Variants in FHOD1 observed in about 807,000 individuals in gnomAD.
FHOD1 encodes formin homology 2 domain containing 1, also known as FH1/FH2 domain-containing protein 1.
Under a neutral mutation model 111.6 loss-of-function variants are expected in FHOD1, and 89 were observed. The ratio of observed to expected loss-of-function variants is 0.80; its 90% confidence interval spans 0.67 to 0.95. The LOEUF is 0.95. Ranked by LOEUF, FHOD1 falls within the 40% of genes least tolerant of loss-of-function variation. The probability of loss-of-function intolerance (pLI) is 0.00; values close to 1 mark genes in which losing one functional copy is unlikely to be tolerated. For synonymous variants in FHOD1, 618 were observed against 639.0 expected, an observed-to-expected ratio of 0.97 and a Z score of 0.50; for missense variants, 1,446 against 1,554.2, an observed-to-expected ratio of 0.93 and a Z score of 1.17.
intron 2 of FHOD1, 35 bp downstream of exon 2, chr16:67,239,313 G>A: frequency 6.5e-7 from 1 of 1,529,138 alleles, no homozygotes; most frequent in Non-Finnish European, 9.1e-7. Flanking sequence ...CAAGGGTGGG[G>A]GTAACCTTGC....
intron 17 of FHOD1, 40 bp from the exon 18 acceptor site, chr16:67,230,831 C>T (rs867239418): frequency 3.3e-6 from 5 of 1,537,884 alleles, no homozygotes; most frequent in Middle Eastern, 2.4e-4. Context: ...CCCCCCACAC[C>T]CTGTAGACAA....
At chr16:67,239,102 A>G (rs551188364) in intron 2 of FHOD1, 135 bp from the exon 3 acceptor site, 1 of 888,764 alleles carries the variant, frequency 1.1e-6, no homozygotes, top group Admixed American at 2.1e-5. Context: ...CCAAGAACCC[A>G]AGGGTTGGTC....
chr16:67,246,279 C>G (rs1022371822), intron 1 of FHOD1, among the ~76,000 whole-genome samples: 1 of 152,198 alleles, frequency 6.6e-6, no homozygotes, highest in Admixed American at 6.5e-5. Context: ...CCGACTCTCT[C>G]TCCTCTTCTC....
At chr16:67,233,173 A>G (rs1205975772) in intron 13 of FHOD1, among the ~76,000 whole-genome samples, 3 of 145,654 alleles carry the variant, frequency 2.1e-5, no homozygotes, top group African/African-American at 7.7e-5. Flanking sequence ...TGCAACCTCT[A>G]CCTCCCGGGT....
rs751453077 is a variant in FHOD1 at position 67,234,449 on chromosome 16, G to A, written c.1343C>T (p.Ala448Val). Residue 448 changes from alanine to valine, a missense_variant, in exon 12 of 22, where the codon GCG (alanine) becomes GTG (valine). Ala to Val is a moderately conservative substitution (Grantham distance 64). Coordinates refer to ENST00000258201, the MANE Select transcript of FHOD1 (RefSeq NM_013241.3). ...IYKARFLENV[A>V]AAETEKQVAL... is the part of the protein sequence containing the mutation. ...AACCTGCTTCTCTGTTTCTGCTGCC[G>A]CCACATTCTCCAGGAACCGGGCTCT... The A allele has an allele frequency of 1.9e-6, 3 of 1,601,996 alleles. No individual in the cohort carries two copies. Among genetic ancestry groups the A allele is most frequent in the East Asian group, 2.3e-5 (1 of 44,402 alleles).
Position 67,233,043 on chromosome 16 carries a change from C to T in FHOD1, c.2046+614G>A, listed in dbSNP as rs558423326. On this transcript the variant is annotated intron_variant, in intron 13 of 21. Coordinates refer to ENST00000258201, the MANE Select transcript of FHOD1 (RefSeq NM_013241.3). Reference sequence around the variant, plus strand: ...AAGTGCTGGGATTACAGGGGTGAGCCACCATGCCCGGCTAATTTTTTTTTT... The same window carrying T: ...AAGTGCTGGGATTACAGGGGTGAGCTACCATGCCCGGCTAATTTTTTTTTT... 2.6e-5 allele frequency among the ~76,000 whole-genome samples: 4 copies of T among 152,086 alleles called. No homozygotes were observed. In the East Asian group the frequency reaches 5.8e-4, roughly 22 times the overall value.
Position 67,230,463 on chromosome 16 carries a change from C to T in FHOD1, c.2902G>A (p.Ala968Thr). The T allele has an allele frequency of 6.2e-7, 1 of 1,614,250 alleles. No homozygotes were observed. The highest frequency in any genetic ancestry group is 8.5e-7 in the Non-Finnish European group (1 of 1,180,044). ...LLYLGYTPQA[A>T]REVRIMQFCH... ...AACTGCATGATGCGCACTTCACGGG[C>T]CGCCTGCGGGGTGTAGCCCAGGTAG... Residue 968 changes from alanine to threonine, a missense_variant, in exon 19 of 22, where the codon GCC becomes ACC. Coordinates refer to ENST00000258201, the MANE Select transcript of FHOD1 (RefSeq NM_013241.3).
In FHOD1 at chr16:67,231,953, G is replaced by A; in HGVS notation, c.2202+86C>T. 6.4e-7 allele frequency: 1 copy of A among 1,567,018 alleles called. No individual in the cohort carries two copies. The highest frequency in any genetic ancestry group is 8.7e-7 in the Non-Finnish European group (1 of 1,152,286). On this transcript the variant is annotated intron_variant, in intron 14 of 21. Transcript: ENST00000258201. The surrounding 1 kb of genome is among the most constrained non-coding windows in gnomAD (Gnocchi z 4.3). ...TGCCCTGCAGAAATGCCAAGCCCATGCCCACCACCAGAGGGACAGGAAATG... is the reference window on the plus strand; with the variant it reads ...TGCCCTGCAGAAATGCCAAGCCCATACCCACCACCAGAGGGACAGGAAATG...
chr16:67,230,065 C>A lies in FHOD1; in HGVS notation c.3214+1G>T. The A allele has an allele frequency of 6.2e-7, 1 of 1,613,926 alleles. No homozygotes were observed. Among genetic ancestry groups the A allele is most frequent in the South Asian group, 1.1e-5 (1 of 91,070 alleles). ...TTCCCCACAGCTGCTATGGGCCTCA[C>A]CTCTGCTGCGGCGATTGTGTGTGGT... On this transcript the variant is annotated splice_donor_variant, in intron 20 of 21. Coordinates refer to ENST00000258201, the MANE Select transcript of FHOD1 (RefSeq NM_013241.3). LOFTEE classifies it high-confidence loss of function.
intron 1 of FHOD1, among the ~76,000 whole-genome samples, chr16:67,243,797 A>G (rs148565420): frequency 6.6e-6 from 1 of 152,274 alleles, no homozygotes; most frequent in African/African-American, 2.4e-5. Context: ...GGGAACACCA[A>G]TAGACACACG....
Position 67,230,584 on chromosome 16 carries a change from T to G in FHOD1, c.2858+17A>C. On this transcript the variant is annotated intron_variant, in intron 18 of 21. Coordinates refer to ENST00000258201, the MANE Select transcript of FHOD1 (RefSeq NM_013241.3). ...AGGGTGGTGGCCGTCCTGCCTCTCT[T>G]GGGTCCATGCCCCTACCTATTGCAG... 6.2e-7 allele frequency: 1 copy of G among 1,613,914 alleles called. No homozygotes were observed. Among genetic ancestry groups the G allele is most frequent in the Non-Finnish European group, 8.5e-7 (1 of 1,179,814 alleles).
chr16:67,236,750 T>A lies in FHOD1; in HGVS notation c.1143-17A>T. On this transcript the variant is annotated splice_polypyrimidine_tract_variant and intron_variant, in intron 10 of 21. Transcript: ENST00000258201. ...CCTGTGGGGCTGAAAGCAGGGGCTG[T>A]CAGTGGGGCGGGGCCTGAGAAGCTG... The A allele has an allele frequency of 7.2e-7, 1 of 1,387,808 alleles. No homozygotes were observed. The highest frequency in any genetic ancestry group is 9.4e-7 in the Non-Finnish European group (1 of 1,062,060). The allele number at this position is 1,387,808 out of a possible 1,614,324, so 86.0% of individuals were successfully genotyped here.
At position 67,230,174 on chromosome 16, in the gene FHOD1, C is replaced by A. The variant is rs763128197; in HGVS notation, c.3106G>T (p.Val1036Leu). 3.1e-6 allele frequency: 5 copies of A among 1,614,106 alleles called. No individual in the cohort carries two copies. Among genetic ancestry groups the A allele is most frequent in the Non-Finnish European group, 4.2e-6 (5 of 1,179,982 alleles). ...GEAPSNPSVP[V>L]AVSSGPGRGD... ...CGGCCTGGCCCGCTGCTCACTGCTACTGGGACAGAGGGGTTGCTGGGGGCT... is the reference window on the plus strand; with the variant it reads ...CGGCCTGGCCCGCTGCTCACTGCTAATGGGACAGAGGGGTTGCTGGGGGCT... Residue 1036 changes from valine to leucine, a missense_variant, in exon 20 of 22, where the codon GTA (valine) becomes TTA (leucine). Coordinates refer to ENST00000258201, the MANE Select transcript of FHOD1 (RefSeq NM_013241.3).
At position 67,237,427 on chromosome 16, in the gene FHOD1, G is replaced by A. The variant is rs2034530605; in HGVS notation, c.850-45C>T. The A allele has an allele frequency of 1.9e-6, 3 of 1,614,096 alleles. No individual in the cohort carries two copies. The highest frequency in any genetic ancestry group is 2.5e-6 in the Non-Finnish European group (3 of 1,179,938). On this transcript the variant is annotated intron_variant, in intron 8 of 21. Coordinates refer to ENST00000258201, the MANE Select transcript of FHOD1 (RefSeq NM_013241.3). This position sits in a 1 kb window ranked among gnomAD's most constrained non-coding sequence, Gnocchi z 5.6. Reference sequence around the variant, plus strand: ...AGGCAAGGCTGAGGTTGGTGGGGAGGTCAGGAGCCTGAGCATCCCAGAGCT... The same window carrying A: ...AGGCAAGGCTGAGGTTGGTGGGGAGATCAGGAGCCTGAGCATCCCAGAGCT...
At position 67,237,027 on chromosome 16, in the gene FHOD1, C is replaced by T; in HGVS notation, c.1081G>A (p.Gly361Ser). 2 of 1,612,978 alleles carry T rather than the reference C, an allele frequency of 1.2e-6. No homozygotes were observed. Among genetic ancestry groups the T allele is most frequent in the African/African-American group, 1.3e-5 (1 of 75,028 alleles). The change falls in exon 10 of 22, where the codon GGC becomes AGC. Residue 361 changes from glycine (G) to serine (S), a missense_variant. By Grantham distance (56) the Gly-to-Ser change is moderately conservative. Transcript: ENST00000258201. The surrounding 1 kb of genome is among the most constrained non-coding windows in gnomAD (Gnocchi z 5.6). Reference sequence around the variant, plus strand: ...TCCAGAGAACGGCGGCTCCTCTTGCCCTCCTCAGAAGAAGGCTTTCGTCGT... The same window carrying T: ...TCCAGAGAACGGCGGCTCCTCTTGCTCTCCTCAGAAGAAGGCTTTCGTCGT... ...RERRKPSSEE[G>S]KRSRRSLEGG...
Position 67,229,638 on chromosome 16 carries a change from A to G in FHOD1, c.3493T>C (p.Ter1165ArgextTer18). Residue 1165 changes from the stop codon to arginine (R), a stop_lost, in exon 22 of 22, where the codon TGA becomes CGA. Transcript: ENST00000258201. ...GLSKGPGLEV[*>R] ...TAGATTTCCGGGATACAGCACCTTCACACCTCCAGGCCAGGACCCTTGCTT... is the reference window on the plus strand; with the variant it reads ...TAGATTTCCGGGATACAGCACCTTCGCACCTCCAGGCCAGGACCCTTGCTT... 1.9e-6 allele frequency: 3 copies of G among 1,613,756 alleles called. No individual in the cohort carries two copies. Among genetic ancestry groups the G allele is most frequent in the Non-Finnish European group, 2.5e-6 (3 of 1,179,750 alleles).
rs773676466 is a variant in FHOD1 at position 67,247,279 on chromosome 16, G to A, written c.132C>T (p.Ser44=). 7.4e-6 allele frequency: 12 copies of A among 1,612,484 alleles called. No homozygotes were observed. In the Admixed American group the frequency reaches 2.0e-4, roughly 27 times the overall value. The change falls in exon 1 of 22, where the codon AGC becomes AGT. Residue 44 remains serine, a synonymous_variant. Transcript: ENST00000258201. ...CGCCCAAGGGCAGCGCCCCGTCCAG[G>A]CTGCAGGTGGGGGCCCGGCGCGGCT... is the stretch of plus-strand genomic sequence containing the variant. ...FPEPRRAPTC[S]LDGALPLGAQ...
chr16:67,242,611 G>A (rs550882164), intron 1 of FHOD1, among the ~76,000 whole-genome samples: 1 of 152,290 alleles, frequency 6.6e-6, no homozygotes, highest in African/African-American at 2.4e-5. Context: ...CCTTGCTGAC[G>A]GGGCTTAAGC....
chr16:67,238,081 C>T lies in FHOD1; in HGVS notation c.595G>A (p.Ala199Thr), dbSNP rs1315185282. ...AGCCACTGAATAGTGTCACTGTGGG[C>T]CACCACCCCCAGCATTCCATCCACA... is the stretch of plus-strand genomic sequence containing the variant. ...LFVDGMLGVV[A>T]HSDTIQWLYT... Residue 199 changes from alanine (A) to threonine (T), a missense_variant, in exon 6 of 22, where the codon GCC (alanine) becomes ACC (threonine). Physicochemically the swap from Ala to Thr is moderately conservative, Grantham distance 58. Transcript: ENST00000258201. This position sits in a 1 kb window ranked among gnomAD's most constrained non-coding sequence, Gnocchi z 4.2. 3 of 1,614,090 alleles carry T rather than the reference C, an allele frequency of 1.9e-6. No individual in the cohort carries two copies. The highest frequency in any genetic ancestry group is 2.5e-6 in the Non-Finnish European group (3 of 1,180,042).
Sources: gnomAD v4.1 joint callset for allele counts (sites outside exome capture counted in the v4.1 genomes callset) on GRCh38, gnomAD v4.1.1 for gene constraint, Gnocchi (gnomAD v3.1) non-coding constraint, MANE v1.5 for transcripts, NCBI Gene and HGNC (gene_info 2026-07-23, HGNC 2026-07-21) for gene names.